Variants in FLNB observed in about 807,000 individuals in gnomAD.
The protein encoded by FLNB is filamin B.
Under a neutral mutation model 250.6 loss-of-function variants are expected in FLNB, and 111 were observed. The observed-to-expected ratio is 0.44, with a 90% CI of 0.38 to 0.52. The LOEUF is 0.52. FLNB is among the 20% of genes least tolerant of loss of function. The pLI is 0.00. For missense variants in FLNB, 2,869 were observed against 3,447.8 expected (o/e 0.83, Z 4.20); for synonymous variants, 1,302 against 1,372.1 (o/e 0.95, Z 1.13).
chr3:58,049,309 A>T (rs1317008338), intron 1 of FLNB, among the ~76,000 whole-genome samples: 3 of 152,158 alleles, frequency 2.0e-5, no homozygotes, highest in Non-Finnish European at 4.4e-5. Flanking sequence ...CAGCTGCGAG[A>T]AGGGCCTTGG....
chr3:58,010,410 G>A (rs2097096883), intron 1 of FLNB, among the ~76,000 whole-genome samples: 1 of 152,072 alleles, frequency 6.6e-6, no homozygotes, highest in Non-Finnish European at 1.5e-5. Flanking sequence ...CTGCTTCCTG[G>A]GCCCAGATGG....
rs935310260 is a variant in FLNB, at chr3:58,097,983, G to A, written c.1147+6G>A. On this transcript the variant is annotated splice_donor_region_variant and intron_variant, in intron 7 of 45. Coordinates refer to ENST00000295956, the MANE Select transcript of FLNB (RefSeq NM_001457.4). Reference sequence around the variant, plus strand: ...CTTTGACATCTATACGGCAGGTAACGTGCCTCTCCTCCATGGATCTGACCT... The same window carrying A: ...CTTTGACATCTATACGGCAGGTAACATGCCTCTCCTCCATGGATCTGACCT... 28 of 1,613,672 alleles carry A rather than the reference G, an allele frequency of 1.7e-5. No homozygotes were observed. The highest frequency in any genetic ancestry group is 1.7e-4 in the Middle Eastern group (1 of 6,046).
At position 58,143,602 on chromosome 3, in the gene FLNB, G is replaced by A. The variant is rs534706890; in HGVS notation, c.5414G>A (p.Ser1805Asn). 5.0e-6 allele frequency: 8 copies of A among 1,614,042 alleles called. No homozygotes were observed. In the Admixed American group the frequency reaches 1.2e-4, roughly 24 times the overall value. ...LHEMHIKYMG[S>N]HIPESPLQFY... ...GAGATGCACATCAAATACATGGGCA[G>A]CCACATCCCTGGTAAGCTGAGTCAG... The change falls in exon 32 of 46, where the codon AGC becomes AAC. Residue 1805 changes from serine to asparagine, a missense_variant. Physicochemically the swap from Ser to Asn is conservative, Grantham distance 46. Coordinates refer to ENST00000295956, the MANE Select transcript of FLNB (RefSeq NM_001457.4).
At chr3:58,061,352 A>G (rs978486752) in intron 1 of FLNB, among the ~76,000 whole-genome samples, 1 of 152,064 alleles carries the variant, frequency 6.6e-6, no homozygotes, top group African/African-American at 2.4e-5. Flanking sequence ...CCTGACAAGC[A>G]ATTTTGTTAA....
intron 32 of FLNB, among the ~76,000 whole-genome samples, chr3:58,144,339 G>T (rs1043382657): frequency 6.6e-6 from 1 of 152,006 alleles, no homozygotes; most frequent in South Asian, 2.1e-4. Context: ...CAGACCTCCC[G>T]CCTTTGTCTC....
At position 58,161,966 on chromosome 3, in the gene FLNB, T is replaced by C. The variant is rs2097362536; in HGVS notation, c.7022-1188T>C. On this transcript the variant is annotated intron_variant, in intron 42 of 45. Transcript: ENST00000295956. ...ATGCCCACTGCTGAGTCATTTCCTG[T>C]GGCTAAAGAAATGCCATGTGCTCAT... Among the ~76,000 whole-genome samples the C allele has an allele frequency of 1.3e-5, 2 of 152,186 alleles. 1 individual carries two copies. The highest frequency in any genetic ancestry group is 4.1e-4 in the South Asian group (2 of 4,834).
chr3:58,132,997 A>T, intron 26 of FLNB, 66 bp downstream of exon 26: 1 of 1,539,064 alleles, frequency 6.5e-7, no homozygotes. Context: ...CCATTCCTCC[A>T]TCAGTCCATC....
intron 1 of FLNB, among the ~76,000 whole-genome samples, chr3:58,026,013 T>A (rs1015455506): frequency 5.3e-5 from 8 of 152,212 alleles, no homozygotes; most frequent in South Asian, 4.1e-4. Context: ...GTGCCTGGCT[T>A]ATAGTAAGTG....
intron 10 of FLNB, 47 bp from the exon 11 acceptor site, chr3:58,105,033 C>G (rs546894575): frequency 6.2e-7 from 1 of 1,613,338 alleles, no homozygotes; most frequent in South Asian, 1.1e-5. Flanking sequence ...TATAGTGACA[C>G]CTTACTTTAC....
At chr3:58,040,565 G>A (rs1425406453) in intron 1 of FLNB, among the ~76,000 whole-genome samples, 1 of 152,170 alleles carries the variant, frequency 6.6e-6, no homozygotes, top group African/African-American at 2.4e-5. Context: ...CCTGATCTCG[G>A]CTCACTGCAA....
intron 1 of FLNB, among the ~76,000 whole-genome samples, chr3:58,024,700 C>CATTTTT (rs2097120399): frequency 1.0e-5 from 1 of 96,252 alleles, no homozygotes; most frequent in Admixed American, 1.0e-4. Context: ...GGCCAAGCCT[C>CATTTTT]CTTTTTTTTT....
In FLNB at chr3:58,077,167, G is replaced by A; in HGVS notation, c.414G>A (p.Lys138=). 1 of 1,614,168 alleles carries A rather than the reference G, an allele frequency of 6.2e-7. No individual in the cohort carries two copies. Among genetic ancestry groups the A allele is most frequent in the Non-Finnish European group, 8.5e-7 (1 of 1,180,022 alleles). The part of the protein sequence containing the change: ...WEDEGDDDAK[K]QTPKQRLLGW... The stretch of plus-strand genomic sequence containing the variant: ...ATGAAGGGGATGATGATGCCAAGAA[G>A]CAGACGCCAAAGCAGAGGCTGCTGG... The change falls in exon 2 of 46, where the codon AAG becomes AAA. Residue 138 remains lysine, a synonymous_variant. Transcript: ENST00000295956.
intron 1 of FLNB, among the ~76,000 whole-genome samples, chr3:58,036,969 C>T (rs1034791144): frequency 6.6e-6 from 1 of 152,206 alleles, no homozygotes; most frequent in East Asian, 1.9e-4. Flanking sequence ...AAATAGCACC[C>T]CGGCTATACT....
At chr3:58,031,543 CTTTT>C (rs764190111) in intron 1 of FLNB, among the ~76,000 whole-genome samples, 30 of 77,136 alleles carry the variant, frequency 3.9e-4, no homozygotes, top group African/African-American at 1.6e-3. Context: ...CGTGCCCTGC[CTTTT>C]TTTTTTTTTT....
Position 58,075,148 on chromosome 3 carries a change from C to T in FLNB, c.293-1898C>T, listed in dbSNP as rs1009336075. 8.4e-4 allele frequency among the ~76,000 whole-genome samples: 128 copies of T among 151,778 alleles called. 2 individuals are homozygous for T. Among genetic ancestry groups the T allele is most frequent in the African/African-American group, 2.9e-3 (122 of 41,378 alleles). ...CATGTGAGTATGCTTTTCATGTGGT[C>T]GTGGTTGGGTTTCATTAAGTGTAAT... is the stretch of plus-strand genomic sequence containing the variant. On this transcript the variant is annotated intron_variant, in intron 1 of 45. Transcript: ENST00000295956.
chr3:58,028,471 T>C (rs1252219451), intron 1 of FLNB, among the ~76,000 whole-genome samples: 1 of 151,832 alleles, frequency 6.6e-6, no homozygotes, highest in Non-Finnish European at 1.5e-5. Flanking sequence ...ATTAAAGTTG[T>C]GTTGGCTGGG....
chr3:58,098,732 G>T lies in FLNB; in HGVS notation c.1169G>T (p.Gly390Val). The change falls in exon 8 of 46, where the codon GGT becomes GTT. Residue 390 changes from glycine to valine, a missense_variant. Around this residue, in one of 5 missense-constraint regions of FLNB, gnomAD observed 1,348 missense variants for 1,466.7 expected, o/e 0.92. Coordinates refer to ENST00000295956, the MANE Select transcript of FLNB (RefSeq NM_001457.4). ...GTAGGAGCTGGTGTGGGTGACATTG[G>T]TGTGGAGGTGGAAGATCCCCAGGGG... Reference protein sequence around the residue: ...YTAGAGVGDIGVEVEDPQGKN... With the variant: ...YTAGAGVGDIVVEVEDPQGKN... The T allele has an allele frequency of 1.2e-6, 2 of 1,614,176 alleles. No individual in the cohort carries two copies. The highest frequency in any genetic ancestry group is 1.7e-6 in the Non-Finnish European group (2 of 1,180,034).
Position 58,125,719 on chromosome 3 carries a change from C to G in FLNB, c.4037C>G (p.Pro1346Arg). The change falls in exon 23 of 46, where the codon CCC (proline) becomes CGC (arginine). Residue 1346 changes from proline (P) to arginine (R), a missense_variant. Coordinates refer to ENST00000295956, the MANE Select transcript of FLNB (RefSeq NM_001457.4). The stretch of plus-strand genomic sequence containing the variant: ...TTGAAAGAGGCCTTTACCAACAAGC[C>G]CAATGTCTTCACCGTGGTTACCAGG... ...PGLKEAFTNK[P>R]NVFTVVTRGA... 1.2e-6 allele frequency: 2 copies of G among 1,614,134 alleles called. No individual in the cohort carries two copies. The highest frequency in any genetic ancestry group is 1.7e-6 in the Non-Finnish European group (2 of 1,180,024).
At chr3:58,067,697 C>T (rs185977686) in intron 1 of FLNB, among the ~76,000 whole-genome samples, 154 of 151,230 alleles carry the variant, frequency 1.0e-3, no homozygotes, top group African/African-American at 3.6e-3. Context: ...CCCAGGTTCA[C>T]GCCATTCTCC....
Sources: allele counts gnomAD v4.1 joint callset (sites outside exome capture counted in the v4.1 genomes callset), GRCh38; gene constraint gnomAD v4.1.1; regional missense constraint gnomAD v4.1.1; transcripts MANE v1.5; gene names NCBI Gene and HGNC (gene_info 2026-07-23, HGNC 2026-07-21).